FER: variants seen among roughly 807,000 people sequenced by gnomAD.
The protein encoded by FER is tyrosine-protein kinase Fer.
A neutral mutation model predicts 111.0 loss-of-function variants in FER; 63 were observed. The observed-to-expected ratio is 0.57, with a 90% CI of 0.46 to 0.70. FER has a LOEUF of 0.70. FER is among the 30% of genes least tolerant of loss of function. The probability of loss-of-function intolerance (pLI) is 0.00; values close to 1 mark genes in which losing one functional copy is unlikely to be tolerated. For synonymous variants in FER, 327 were observed against 313.9 expected (o/e 1.04, Z -0.44); for missense variants, 914 against 954.0 (o/e 0.96, Z 0.55).
At chr5:108,939,192 TGTTTA>T (rs1755919883) in intron 10 of FER, among the ~76,000 whole-genome samples, 1 of 124,274 alleles carries the variant, frequency 8.0e-6, no homozygotes, top group Non-Finnish European at 1.8e-5. Context: ...ACAACATATG[TGTTTA>T]GTTTATAAAG....
chr5:108,760,616 C>T (rs528657829), intron 1 of FER, among the ~76,000 whole-genome samples: 50 of 152,290 alleles, frequency 3.3e-4, no homozygotes, highest in African/African-American at 1.1e-3. Flanking sequence ...TAGCCTCTTT[C>T]CTTCAGCCTC....
chr5:108,961,157 A>G (rs978880826), intron 13 of FER, among the ~76,000 whole-genome samples: 2 of 152,224 alleles, frequency 1.3e-5, no homozygotes, highest in African/African-American at 4.8e-5. Context: ...ATATATCAGT[A>G]TGAATAAAAT....
In FER at chr5:109,189,654, C is replaced by T. The variant is rs567091523; in HGVS notation, c.*2079C>T. 2 of 151,948 alleles carry T rather than the reference C, an allele frequency of 1.3e-5. No individual in the cohort carries two copies. The highest frequency in any genetic ancestry group is 6.6e-5 in the Admixed American group (1 of 15,246). 9.4% of individuals were successfully genotyped at this position (151,948 alleles called of 1,614,324 possible). A position where few individuals can be genotyped will look rare whatever the true frequency, so the allele number is the denominator to read the frequency against. On this transcript the variant is annotated 3_prime_UTR_variant, in exon 20 of 20. Coordinates refer to ENST00000281092, the MANE Select transcript of FER (RefSeq NM_005246.4). ...AAGAGTAAAATGGGATATTCCTACCCTTTTTTTTAGTATTTCTAAGTGAAT... is the reference window on the plus strand; with the variant it reads ...AAGAGTAAAATGGGATATTCCTACCTTTTTTTTTAGTATTTCTAAGTGAAT...
intron 17 of FER, among the ~76,000 whole-genome samples, chr5:109,139,978 C>T (rs944454665): frequency 6.6e-6 from 1 of 152,090 alleles, no homozygotes; most frequent in African/African-American, 2.4e-5. Flanking sequence ...AAATAAAAGC[C>T]AAAGCATTTT....
chr5:108,915,629 T>A (rs78227977), intron 10 of FER, among the ~76,000 whole-genome samples: 7,212 of 151,722 alleles, frequency 0.048, 274 homozygotes, highest in African/African-American at 0.1. Context: ...TCTGTCCTAA[T>A]TAAAATTTAA....
chr5:109,180,244 G>A (rs903864945), intron 17 of FER, among the ~76,000 whole-genome samples: 5 of 152,126 alleles, frequency 3.3e-5, no homozygotes, highest in African/African-American at 9.7e-5. Flanking sequence ...CAACCTTTGG[G>A]AAGCCCTAAG....
At chr5:109,070,650 C>G (rs1561856474) in intron 16 of FER, among the ~76,000 whole-genome samples, 1 of 151,800 alleles carries the variant, frequency 6.6e-6, no homozygotes, top group African/African-American at 2.4e-5. Context: ...ACTCTTGGCT[C>G]TAGTCAGTAT....
intron 2 of FER, among the ~76,000 whole-genome samples, chr5:108,770,215 C>T (rs1032217776): frequency 4.0e-4 from 61 of 151,912 alleles, no homozygotes; most frequent in African/African-American, 1.1e-3. Context: ...CCCAAAGTGC[C>T]GGGGTTACAG....
intron 13 of FER, among the ~76,000 whole-genome samples, chr5:109,001,655 A>T (rs913867047): frequency 1.4e-4 from 21 of 152,192 alleles, no homozygotes; most frequent in African/African-American, 4.3e-4. Context: ...AGGAGAAGGA[A>T]ATAAAGGGCA....
chr5:108,927,826 A>G (rs13358013), intron 10 of FER, among the ~76,000 whole-genome samples: 10,673 of 152,234 alleles, frequency 0.07, 500 homozygotes, highest in African/African-American at 0.13. Context: ...TGATCTAAAA[A>G]TAGTGTTGAC....
At chr5:108,979,685 A>G (rs1761803425) in intron 13 of FER, among the ~76,000 whole-genome samples, 1 of 152,202 alleles carries the variant, frequency 6.6e-6, no homozygotes, top group Non-Finnish European at 1.5e-5. Flanking sequence ...CTAGTGAAAA[A>G]TAATTCATCT....
intron 10 of FER, among the ~76,000 whole-genome samples, chr5:108,934,038 C>T (rs993040914): frequency 1.3e-5 from 2 of 151,856 alleles, no homozygotes; most frequent in Non-Finnish European, 2.9e-5. Flanking sequence ...TTCCTCTCTT[C>T]CTGTTTGAAT....
intron 5 of FER, among the ~76,000 whole-genome samples, chr5:108,845,385 G>T (rs1013767696): frequency 6.6e-6 from 1 of 151,736 alleles, no homozygotes; most frequent in African/African-American, 2.4e-5. Flanking sequence ...GTTTCACCAT[G>T]TTGGTCAGGC....
intron 17 of FER, among the ~76,000 whole-genome samples, chr5:109,165,453 A>G (rs535322472): frequency 1.4e-4 from 22 of 152,300 alleles, no homozygotes; most frequent in Non-Finnish European, 3.2e-4. Flanking sequence ...TTCCTAGAAG[A>G]TGTTAACCAA....
At chr5:108,756,642 A>C (rs1376030912) in intron 1 of FER, among the ~76,000 whole-genome samples, 1 of 152,104 alleles carries the variant, frequency 6.6e-6, no homozygotes, top group Non-Finnish European at 1.5e-5. Context: ...TTAATATACT[A>C]TATAATTAAT....
At chr5:108,897,424 A>G (rs1217603191) in intron 9 of FER, among the ~76,000 whole-genome samples, 1 of 152,210 alleles carries the variant, frequency 6.6e-6, no homozygotes, top group Admixed American at 6.5e-5. Flanking sequence ...ATAGATCATA[A>G]TATATTTGAA....
chr5:109,062,307 C>T (rs554090400), intron 16 of FER, among the ~76,000 whole-genome samples: 2 of 152,108 alleles, frequency 1.3e-5, no homozygotes, highest in South Asian at 2.1e-4. Context: ...GTCGATCACT[C>T]GAGGCCGGGA....
chr5:109,084,605 T>C (rs1309505380), intron 16 of FER, among the ~76,000 whole-genome samples: 2 of 152,090 alleles, frequency 1.3e-5, no homozygotes, highest in African/African-American at 4.8e-5. Flanking sequence ...AAAAATATTT[T>C]TGGATGAAGT....
chr5:109,104,596 A>G (rs1748655251), intron 17 of FER, among the ~76,000 whole-genome samples: 1 of 152,142 alleles, frequency 6.6e-6, no homozygotes. Flanking sequence ...GCAAAGTTAC[A>G]ATGCTTTGTA....
Sources: allele counts gnomAD v4.1 joint callset (sites outside exome capture counted in the v4.1 genomes callset), GRCh38; gene constraint gnomAD v4.1.1; transcripts MANE v1.5; gene names NCBI Gene and HGNC (gene_info 2026-07-23, HGNC 2026-07-21).